The following P2RY10 variants were observed in gnomAD, a reference collection of about 807,000 sequenced individuals.
P2RY10 encodes the protein P2Y receptor family member 10, also known as putative P2Y purinoceptor 10.
Under a neutral mutation model 12.1 loss-of-function variants are expected in P2RY10, and 4 were observed. That is an observed-to-expected ratio of 0.33 (90% CI 0.16 to 0.76). The LOEUF is 0.76. P2RY10 is among the 30% of genes least tolerant of loss of function. P2RY10 has a pLI of 0.61. For synonymous variants in P2RY10, 112 were observed against 94.1 expected, an observed-to-expected ratio of 1.19 and a Z score of -1.10; for missense variants, 233 against 264.6, an observed-to-expected ratio of 0.88 and a Z score of 0.83.
intron 2 of P2RY10, among the ~76,000 whole-genome samples, chrX:78,948,845 C>T (rs1330711657): frequency 8.9e-6 from 1 of 112,023 alleles, no homozygotes; most frequent in African/African-American, 3.2e-5. Flanking sequence ...ATATACACCA[C>T]ATTTACTTTA....
rs748237032 is a variant in P2RY10, at chrX:78,962,661, C to T, written c.*1121C>T. Among the ~76,000 whole-genome samples, 22 of 111,144 alleles carry T rather than the reference C, an allele frequency of 2.0e-4. No homozygotes were observed. The highest frequency in any genetic ancestry group is 3.8e-4 in the Admixed American group (4 of 10,405). On this transcript the variant is annotated 3_prime_UTR_variant, in exon 4 of 4. Transcript: ENST00000171757. ...GGTAAATAGATGCGTTGTCCTAATA[C>T]TGTTCCAAGGTAGAGAATCCTGATG...
chrX:78,945,865 A>C (rs186564515), intron 1 of P2RY10, among the ~76,000 whole-genome samples: 1 of 112,211 alleles, frequency 8.9e-6, no homozygotes, highest in African/African-American at 3.2e-5. Flanking sequence ...AAGTCAATTT[A>C]ATTTTTTATG....
At chrX:78,951,550 A>G (rs1922102008) in intron 2 of P2RY10, among the ~76,000 whole-genome samples, 1 of 111,114 alleles carries the variant, frequency 9.0e-6, no homozygotes, top group Non-Finnish European at 1.9e-5. Context: ...TTCGAAGAAG[A>G]GGGGAGTGAG....
intron 3 of P2RY10, among the ~76,000 whole-genome samples, chrX:78,953,630 T>C (rs1273855083): frequency 8.9e-6 from 1 of 111,841 alleles, no homozygotes; most frequent in Non-Finnish European, 1.9e-5. Context: ...CATATCTGAC[T>C]TTTACTTTAA....
intron 3 of P2RY10, among the ~76,000 whole-genome samples, chrX:78,954,480 C>T (rs778990622): frequency 4.5e-5 from 5 of 111,654 alleles, no homozygotes; most frequent in South Asian, 3.7e-4. Flanking sequence ...GAAACCTTTC[C>T]GATCTTTTCT....
rs751143416 is a variant in P2RY10 at position 78,954,812 on chromosome X, A to G, written c.-14+2477A>G. On this transcript the variant is annotated intron_variant, in intron 3 of 3. Coordinates refer to ENST00000171757, the MANE Select transcript of P2RY10 (RefSeq NM_014499.4). The stretch of plus-strand genomic sequence containing the variant: ...AACTGTTAAGATTCAGATGAATTAT[A>G]CTAATAATAACCAGTAAAAACGGTC... 2.7e-5 allele frequency among the ~76,000 whole-genome samples: 3 copies of G among 112,102 alleles called. No individual in the cohort carries two copies. In the East Asian group the frequency reaches 8.4e-4, roughly 31 times the overall value.
At position 78,952,189 on chromosome X, in the gene P2RY10, T is replaced by C; in HGVS notation, c.-156-4T>C. ...GTGGCTGATTTTTCTGCTTTTCTTATTAGGTTAAAACTCTATGCTGGTCAT... is the reference window on the plus strand; with the variant it reads ...GTGGCTGATTTTTCTGCTTTTCTTACTAGGTTAAAACTCTATGCTGGTCAT... On this transcript the variant is annotated splice_region_variant and splice_polypyrimidine_tract_variant and intron_variant, in intron 2 of 3. Coordinates refer to ENST00000171757, the MANE Select transcript of P2RY10 (RefSeq NM_014499.4). 1.3e-6 allele frequency: 1 copy of C among 750,263 alleles called. No individual in the cohort carries two copies. The highest frequency in any genetic ancestry group is 6.8e-5 in the South Asian group (1 of 14,763). 61.8% of individuals were successfully genotyped at this position (750,263 alleles called of 1,213,427 possible).
At chrX:78,949,899 T>C (rs1922029633) in intron 2 of P2RY10, among the ~76,000 whole-genome samples, 1 of 111,571 alleles carries the variant, frequency 9.0e-6, no homozygotes, top group African/African-American at 3.3e-5. Flanking sequence ...GGAGATCAGA[T>C]TGGCTTGGAT....
In P2RY10 at chrX:78,952,352, C is replaced by T. The variant is rs1922143627; in HGVS notation, c.-14+17C>T. ...AAACTAGAGGTACCAAGAGTAATTA[C>T]TTCTGTAAGGCTGGCATTGGAGGCA... On this transcript the variant is annotated intron_variant, in intron 3 of 3. Coordinates refer to ENST00000171757, the MANE Select transcript of P2RY10 (RefSeq NM_014499.4). 1 of 744,859 alleles carries T rather than the reference C, an allele frequency of 1.3e-6. No homozygotes were observed. Among genetic ancestry groups the T allele is most frequent in the Non-Finnish European group, 1.6e-6 (1 of 630,729 alleles). The allele number at this position is 744,859 out of a possible 1,213,427, so 61.4% of individuals were successfully genotyped here. A position where few individuals can be genotyped will look rare whatever the true frequency, so the allele number is the denominator to read the frequency against.
chrX:78,953,653 TA>T (rs1372902611), intron 3 of P2RY10, among the ~76,000 whole-genome samples: 1 of 111,627 alleles, frequency 9.0e-6, no homozygotes, highest in Non-Finnish European at 1.9e-5. Context: ...TCTAATCTAA[TA>T]GGGTGACCAA....
intron 2 of P2RY10, among the ~76,000 whole-genome samples, chrX:78,951,440 G>T (rs896947817): frequency 9.0e-6 from 1 of 111,376 alleles, no homozygotes; most frequent in African/African-American, 3.3e-5. Flanking sequence ...GTGTTTCATG[G>T]GAGAGACTTT....
In P2RY10 at chrX:78,960,970, G is replaced by A. The variant is rs1361405270; in HGVS notation, c.450G>A (p.Val150=). 8.3e-7 allele frequency: 1 copy of A among 1,209,109 alleles called. No homozygotes were observed. Among genetic ancestry groups the A allele is most frequent in the Non-Finnish European group, 1.1e-6 (1 of 894,402 alleles). The change falls in exon 4 of 4, where the codon GTG becomes GTA. Residue 150 remains valine (V), a synonymous_variant. Coordinates refer to ENST00000171757, the MANE Select transcript of P2RY10 (RefSeq NM_014499.4). The stretch of plus-strand genomic sequence containing the variant: ...GAGACTGGAAGCGTAGGTACGATGT[G>A]GGCATCAGTGCTGCCATCTGGATCG... The part of the protein sequence containing the change: ...RARDWKRRYD[V]GISAAIWIVV...
At chrX:78,949,383 A>G (rs1197333364) in intron 2 of P2RY10, among the ~76,000 whole-genome samples, 1 of 111,831 alleles carries the variant, frequency 8.9e-6, no homozygotes, top group Non-Finnish European at 1.9e-5. Context: ...TTTTTCTTTA[A>G]TGCTCAAAAC....
chrX:78,953,794 G>T (rs891948337), intron 3 of P2RY10, among the ~76,000 whole-genome samples: 1 of 111,987 alleles, frequency 8.9e-6, no homozygotes, highest in African/African-American at 3.2e-5. Context: ...GATTCCCTGT[G>T]TCCCATTTCT....
intron 2 of P2RY10, among the ~76,000 whole-genome samples, chrX:78,949,817 CAG>C (rs1232390720): frequency 8.9e-6 from 1 of 112,152 alleles, no homozygotes; most frequent in Non-Finnish European, 1.9e-5. Flanking sequence ...CAGGAAACAG[CAG>C]AGTTTCCAAT....
chrX:78,956,807 A>G (rs1250023250), intron 3 of P2RY10, among the ~76,000 whole-genome samples: 3 of 111,699 alleles, frequency 2.7e-5, no homozygotes, highest in Admixed American at 9.5e-5. Context: ...ATGTGGAAAT[A>G]ATCACAGGAC....
chrX:78,945,571 A>T (rs1233925320), intron 1 of P2RY10, 76 bp downstream of exon 1: 1 of 112,009 alleles, frequency 8.9e-6, no homozygotes, highest in Non-Finnish European at 1.9e-5. Flanking sequence ...ATCAGAACAG[A>T]GGTGGATGTG....
At chrX:78,952,795 A>T (rs768071734) in intron 3 of P2RY10, among the ~76,000 whole-genome samples, 2 of 112,017 alleles carry the variant, frequency 1.8e-5, no homozygotes, top group South Asian at 7.4e-4. Flanking sequence ...GTGTTAGAAA[A>T]GGACAATAGA....
chrX:78,950,765 A>G (rs1319515366), intron 2 of P2RY10, among the ~76,000 whole-genome samples: 1 of 111,891 alleles, frequency 8.9e-6, no homozygotes. Flanking sequence ...TACCACTTTA[A>G]AATATGTTTC....
Sources: gnomAD v4.1 joint callset for allele counts (sites outside exome capture counted in the v4.1 genomes callset) on GRCh38, gnomAD v4.1.1 for gene constraint, MANE v1.5 for transcripts, NCBI Gene and HGNC (gene_info 2026-07-23, HGNC 2026-07-21) for gene names.